Variants in SEPSECS observed in about 807,000 individuals in gnomAD.
The protein encoded by SEPSECS is O-phosphoseryl-tRNA(Sec) selenium transferase.
In SEPSECS, 42 loss-of-function variants were observed where a neutral mutation model predicts 52.1. The observed-to-expected ratio is 0.81, with a 90% confidence interval of 0.63 to 1.04. SEPSECS has a LOEUF of 1.04. Among genes scored for constraint, SEPSECS ranks in the 50% least tolerant of loss-of-function variants. SEPSECS has a pLI of 0.00. For synonymous variants in SEPSECS, 216 were observed against 211.4 expected, an observed-to-expected ratio of 1.02 and a Z score of -0.19; for missense variants, 590 against 610.6, an observed-to-expected ratio of 0.97 and a Z score of 0.36.
At chr4:25,137,030 G>A (rs1343310071) in intron 8 of SEPSECS, among the ~76,000 whole-genome samples, 1 of 152,104 alleles carries the variant, frequency 6.6e-6, no homozygotes, top group African/African-American at 2.4e-5. Context: ...ACTTGAAACT[G>A]AACCCCTTCC....
chr4:25,153,185 C>T (rs1477983066), intron 5 of SEPSECS, among the ~76,000 whole-genome samples: 1 of 151,810 alleles, frequency 6.6e-6, no homozygotes, highest in African/African-American at 2.4e-5. Flanking sequence ...TATAGACATC[C>T]TTTTTGTTAC....
chr4:25,155,939 AAGAG>A (rs1167542256), intron 4 of SEPSECS, 94 bp downstream of exon 4: 2 of 1,155,930 alleles, frequency 1.7e-6, no homozygotes, highest in Non-Finnish European at 2.5e-6. Context: ...AGCAATAGGG[AAGAG>A]AGTTAGTTTA....
At position 25,156,873 on chromosome 4, in the gene SEPSECS, T is replaced by G. The variant is rs768567177; in HGVS notation, c.371A>C (p.Asp124Ala). 4 of 1,595,680 alleles carry G rather than the reference T, an allele frequency of 2.5e-6. No homozygotes were observed. The highest frequency in any genetic ancestry group is 2.6e-6 in the Non-Finnish European group (3 of 1,163,324). Reference protein sequence around the residue: ...LNKITNSLVLDIIKLAGVHTV... With the variant: ...LNKITNSLVLAIIKLAGVHTV... ...GTACATACCAGCCAGCTTTATAATGTCCAGGACCAAAGAATTGGTAATTTT... is the reference window on the plus strand; with the variant it reads ...GTACATACCAGCCAGCTTTATAATGGCCAGGACCAAAGAATTGGTAATTTT... The change falls in exon 3 of 11, where the codon GAC becomes GCC. Residue 124 changes from aspartate to alanine, a missense_variant. Transcript: ENST00000382103.
At chr4:25,157,787 C>T (rs569288466) in intron 2 of SEPSECS, among the ~76,000 whole-genome samples, 12 of 151,594 alleles carry the variant, frequency 7.9e-5, no homozygotes, top group East Asian at 5.9e-4. Context: ...CCTCGTGATC[C>T]GCCCGCCTTG....
Position 25,158,950 on chromosome 4 carries a change from T to A in SEPSECS, c.269+3A>T. ...ATCTCCTGTACTACTTAAAAAAAGA[T>A]ACCTGTAATGACGACGAGCAACCAG... On this transcript the variant is annotated splice_donor_region_variant and intron_variant, in intron 2 of 10. Coordinates refer to ENST00000382103, the MANE Select transcript of SEPSECS (RefSeq NM_016955.4). 1.2e-6 allele frequency: 2 copies of A among 1,613,518 alleles called. No homozygotes were observed. Among genetic ancestry groups the A allele is most frequent in the Non-Finnish European group, 1.7e-6 (2 of 1,179,480 alleles).
In SEPSECS at chr4:25,156,291, G is replaced by C. The variant is rs893183524; in HGVS notation, c.389-96C>G. 2.6e-6 allele frequency: 3 copies of C among 1,151,400 alleles called. No individual in the cohort carries two copies. The African/African-American group carries it at 4.6e-5, about 18-fold the overall frequency. 71.3% of individuals were successfully genotyped at this position (1,151,400 alleles called of 1,614,324 possible). A position where few individuals can be genotyped will look rare whatever the true frequency, so the allele number is the denominator to read the frequency against. On this transcript the variant is annotated intron_variant, in intron 3 of 10. Transcript: ENST00000382103. The stretch of plus-strand genomic sequence containing the variant: ...ATATTTCATATATAAAATAGTAAGA[G>C]TCGTAGCCCTAGGGCTTCTGTTTCT...
chr4:25,156,511 T>C (rs962351401), intron 3 of SEPSECS, among the ~76,000 whole-genome samples: 5 of 151,658 alleles, frequency 3.3e-5, no homozygotes, highest in Non-Finnish European at 7.4e-5. Flanking sequence ...GAGACCATCC[T>C]GGCTAACACG....
chr4:25,147,962 G>A (rs1236661556), intron 6 of SEPSECS, among the ~76,000 whole-genome samples: 1 of 152,124 alleles, frequency 6.6e-6, no homozygotes, highest in Non-Finnish European at 1.5e-5. Context: ...CAGGACCTTA[G>A]GGAAGTCACT....
intron 8 of SEPSECS, among the ~76,000 whole-genome samples, chr4:25,142,338 CCCA>C (rs1363048041): frequency 6.6e-6 from 1 of 151,926 alleles, no homozygotes; most frequent in Non-Finnish European, 1.5e-5. Flanking sequence ...AAAATCAGTT[CCCA>C]CCACCACCTC....
chr4:25,132,308 C>T (rs1202812039), intron 8 of SEPSECS, among the ~76,000 whole-genome samples: 1 of 151,998 alleles, frequency 6.6e-6, no homozygotes, highest in Non-Finnish European at 1.5e-5. Flanking sequence ...TTTTTTAGTA[C>T]ACAATAACAC....
chr4:25,157,134 T>C (rs1026846527), intron 2 of SEPSECS, among the ~76,000 whole-genome samples, 160 bp from the exon 3 acceptor site: 1 of 152,220 alleles, frequency 6.6e-6, no homozygotes, highest in African/African-American at 2.4e-5. Context: ...ACTCTCCTAC[T>C]TAAATTGAAA....
At chr4:25,126,866 A>C (rs1644302544) in intron 9 of SEPSECS, among the ~76,000 whole-genome samples, 1 of 152,200 alleles carries the variant, frequency 6.6e-6, no homozygotes, top group African/African-American at 2.4e-5. Flanking sequence ...TATGTTGTCC[A>C]GGCTGGTTTT....
At chr4:25,159,860 C>T (rs1178868242) in intron 1 of SEPSECS, 3 of 1,084,640 alleles carry the variant, frequency 2.8e-6, no homozygotes, top group African/African-American at 3.4e-5. Flanking sequence ...GCGGAAAGCT[C>T]GTGGTTCGAG....
rs1211025786 is a variant in SEPSECS, at chr4:25,156,933, A to C, written c.311T>G (p.Val104Gly). The change falls in exon 3 of 11, where the codon GTG (valine) becomes GGG (glycine). Residue 104 changes from valine (V) to glycine (G), a missense_variant. Transcript: ENST00000382103. ...GCTAGAGCCTGCAGCTTTTGGTTGC[A>C]CAGCAGAAATATCACCGGATCGTCC... ...GIGRSGDISA[V>G]QPKAAGSSLL... 6.2e-7 allele frequency: 1 copy of C among 1,613,470 alleles called. No individual in the cohort carries two copies. The highest frequency in any genetic ancestry group is 2.2e-5 in the East Asian group (1 of 44,892).
rs1458576718 is a variant in SEPSECS, at chr4:25,122,064, T to C, written c.*1867A>G. The C allele has an allele frequency of 6.6e-6, 1 of 152,160 alleles. No individual in the cohort carries two copies. Among genetic ancestry groups the C allele is most frequent in the East Asian group, 1.9e-4 (1 of 5,204 alleles). The allele number at this position is 152,160 out of a possible 1,614,324, so 9.4% of individuals were successfully genotyped here. A position where few individuals can be genotyped will look rare whatever the true frequency, so the allele number is the denominator to read the frequency against. The stretch of plus-strand genomic sequence containing the variant: ...GTTGCAACTCTTCAGCTTTATTGGT[T>C]CAGCAATTTAGTCCCAAATTCTCAT... On this transcript the variant is annotated 3_prime_UTR_variant, in exon 11 of 11. Transcript: ENST00000382103.
intron 3 of SEPSECS, 23 bp downstream of exon 3, chr4:25,156,833 A>T: frequency 8.1e-7 from 1 of 1,229,616 alleles, no homozygotes; most frequent in South Asian, 1.2e-5. Context: ...AGCCAAAAGC[A>T]TTATGATTAA....
chr4:25,134,124 CAAAAAAAAAA>C (rs34672005), intron 8 of SEPSECS, among the ~76,000 whole-genome samples: 3 of 13,164 alleles, frequency 2.3e-4, no homozygotes, highest in East Asian at 1.8e-3. Flanking sequence ...GACCCCATCT[CAAAAAAAAAA>C]AAAAAAAAAA....
chr4:25,133,013 A>G (rs1728673324), intron 8 of SEPSECS, among the ~76,000 whole-genome samples: 2 of 152,264 alleles, frequency 1.3e-5, no homozygotes, highest in South Asian at 4.2e-4. Flanking sequence ...TACCTCATAC[A>G]CTTGCTCTGG....
chr4:25,132,610 T>C (rs967706254), intron 8 of SEPSECS, among the ~76,000 whole-genome samples: 5 of 152,358 alleles, frequency 3.3e-5, no homozygotes, highest in South Asian at 2.1e-4. Context: ...AACTTTAACT[T>C]ACAGTGACAG....
Sources: gnomAD v4.1 joint callset for allele counts (sites outside exome capture counted in the v4.1 genomes callset) on GRCh38, gnomAD v4.1.1 for gene constraint, MANE v1.5 for transcripts, NCBI Gene and HGNC (gene_info 2026-07-23, HGNC 2026-07-21) for gene names.